Variants in DPP10 observed in about 807,000 individuals in gnomAD.
DPP10 encodes the protein dipeptidyl peptidase like 10.
Under a neutral mutation model 120.9 loss-of-function variants are expected in DPP10, and 33 were observed. That is an observed-to-expected ratio of 0.27 (90% CI 0.21 to 0.37). DPP10 has a LOEUF of 0.37. Ranked by LOEUF, DPP10 falls within the 10% of genes least tolerant of loss-of-function variation. The pLI, the probability that DPP10 is intolerant of heterozygous loss-of-function variation, is 1.00. For missense variants in DPP10, 816 were observed against 942.8 expected (o/e 0.87, Z 1.76); for synonymous variants, 337 against 326.1 (o/e 1.03, Z -0.36).
At chr2:114,693,723 C>T (rs543339180) in intron 1 of DPP10, among the ~76,000 whole-genome samples, 191 of 151,958 alleles carry the variant, frequency 1.3e-3, no homozygotes, top group African/African-American at 4.4e-3. Flanking sequence ...CCCAATCAGT[C>T]GTAGGTTCTG....
intron 1 of DPP10, chr2:114,462,170 A>G (rs865786211): frequency 2.0e-6 from 2 of 984,238 alleles, no homozygotes; most frequent in African/African-American, 1.7e-5. Context: ...AATACACATT[A>G]AAGTCTTAGA....
rs542200110 is a variant in DPP10, at chr2:114,752,533, A to T, written c.60+309695A>T. Among the ~76,000 whole-genome samples the T allele has an allele frequency of 2.6e-5, 4 of 152,328 alleles. No individual in the cohort carries two copies. In the South Asian group the frequency reaches 8.3e-4, roughly 32 times the overall value. On this transcript the variant is annotated intron_variant, in intron 1 of 25. Transcript: ENST00000410059. The stretch of plus-strand genomic sequence containing the variant: ...CTAAGGCTCCTGCCTATAGCTGTAC[A>T]GTAAAGATATCAGTTTGTTACTCAC...
rs2106095542 is a variant in DPP10, at chr2:115,319,979, C to T, written c.175+10626C>T. On this transcript the variant is annotated intron_variant, in intron 2 of 25. Transcript: ENST00000410059. The stretch of plus-strand genomic sequence containing the variant: ...ATTACCTCTCAAAGTTCACACTTCT[C>T]AGTATTATTGCTTTGGGGATTAAAT... Among the ~76,000 whole-genome samples the T allele has an allele frequency of 2.0e-5, 3 of 152,238 alleles. No homozygotes were observed. The Middle Eastern group carries it at 0.01, about 521-fold the overall frequency.
intron 19 of DPP10, among the ~76,000 whole-genome samples, chr2:115,797,731 T>G (rs1684701859): frequency 6.6e-6 from 1 of 151,950 alleles, no homozygotes; most frequent in South Asian, 2.1e-4. Flanking sequence ...TTGAACATAT[T>G]TAAACTTGTT....
chr2:115,403,384 T>C (rs907444949), intron 3 of DPP10, among the ~76,000 whole-genome samples: 1 of 5,164 alleles, frequency 1.9e-4, no homozygotes, highest in Admixed American at 2.9e-3. Context: ...TTTCCTTCTT[T>C]TTTTTTTTTT....
At chr2:114,471,147 GATAA>G (rs1679874745) in intron 1 of DPP10, among the ~76,000 whole-genome samples, 2 of 152,248 alleles carry the variant, frequency 1.3e-5, no homozygotes, top group African/African-American at 4.8e-5. Context: ...ATTAAAACTT[GATAA>G]ATAATGTTTC....
chr2:115,619,924 A>G (rs774208096), intron 5 of DPP10, among the ~76,000 whole-genome samples: 10 of 152,226 alleles, frequency 6.6e-5, no homozygotes, highest in African/African-American at 9.6e-5. Flanking sequence ...AATTGTGGTA[A>G]TCATATTCTT....
intron 1 of DPP10, among the ~76,000 whole-genome samples, chr2:114,781,618 C>G (rs543071946): frequency 6.6e-6 from 1 of 152,142 alleles, no homozygotes; most frequent in East Asian, 1.9e-4. Flanking sequence ...TGAAAAGCCC[C>G]CTGGTAGAGA....
At chr2:115,048,968 T>C (rs1170042271) in intron 1 of DPP10, among the ~76,000 whole-genome samples, 1 of 152,146 alleles carries the variant, frequency 6.6e-6, no homozygotes, top group African/African-American at 2.4e-5. Context: ...GTAAATTACA[T>C]GCAGAGGGCT....
At chr2:115,356,598 G>A (rs1367258949) in intron 3 of DPP10, among the ~76,000 whole-genome samples, 1 of 152,050 alleles carries the variant, frequency 6.6e-6, no homozygotes, top group Non-Finnish European at 1.5e-5. Context: ...ATCTTGAATA[G>A]GGGTAGTGAG....
At chr2:115,276,274 G>A (rs975755588) in intron 1 of DPP10, among the ~76,000 whole-genome samples, 5 of 152,150 alleles carry the variant, frequency 3.3e-5, no homozygotes, top group African/African-American at 9.6e-5. Flanking sequence ...GTTCACTAAG[G>A]TTGCTGATGA....
At chr2:115,096,738 C>G (rs962337301) in intron 1 of DPP10, among the ~76,000 whole-genome samples, 10 of 152,078 alleles carry the variant, frequency 6.6e-5, no homozygotes, top group Non-Finnish European at 1.3e-4. Flanking sequence ...TTGAACCTTC[C>G]TAAGTTGGAA....
intron 7 of DPP10, among the ~76,000 whole-genome samples, chr2:115,703,025 T>C (rs936884242): frequency 1.3e-5 from 2 of 151,646 alleles, no homozygotes; most frequent in Admixed American, 6.6e-5. Flanking sequence ...ATTGATATAA[T>C]TAATAAAAAC....
At chr2:114,768,625 A>G (rs1680959588) in intron 1 of DPP10, among the ~76,000 whole-genome samples, 2 of 152,126 alleles carry the variant, frequency 1.3e-5, no homozygotes, top group African/African-American at 2.4e-5. Context: ...CCTTAATCAC[A>G]TCGGCAAAGT....
At chr2:115,778,917 T>C (rs1682433853) in intron 15 of DPP10, among the ~76,000 whole-genome samples, 1 of 152,142 alleles carries the variant, frequency 6.6e-6, no homozygotes, top group Non-Finnish European at 1.5e-5. Context: ...ATTTGAATTT[T>C]GGATTCGGGA....
At chr2:115,115,436 G>C (rs2049452188) in intron 1 of DPP10, among the ~76,000 whole-genome samples, 1 of 152,122 alleles carries the variant, frequency 6.6e-6, no homozygotes, top group African/African-American at 2.4e-5. Context: ...CTATTCTCAG[G>C]AGACCCGTTT....
chr2:114,519,286 C>T (rs1036863082), intron 1 of DPP10, among the ~76,000 whole-genome samples: 2 of 152,170 alleles, frequency 1.3e-5, no homozygotes, highest in African/African-American at 4.8e-5. Context: ...CTCATCTTAG[C>T]GACTTAATCC....
chr2:115,149,692 C>T (rs1398542065), intron 1 of DPP10, among the ~76,000 whole-genome samples: 4 of 152,018 alleles, frequency 2.6e-5, no homozygotes, highest in Non-Finnish European at 5.9e-5. Flanking sequence ...TTTTGTTTGT[C>T]TGTTTGTTTG....
At position 115,763,693 on chromosome 2, in the gene DPP10, G is replaced by A. The variant is rs369753120; in HGVS notation, c.1113+1083G>A. Among the ~76,000 whole-genome samples, 5 of 152,234 alleles carry A rather than the reference G, an allele frequency of 3.3e-5. No individual in the cohort carries two copies. In the East Asian group the frequency reaches 7.7e-4, roughly 24 times the overall value. ...CACCTGCCAATCTGTTCACACTGCA[G>A]GCTAACTGAGTGACCTTTTTAAAAT... On this transcript the variant is annotated intron_variant, in intron 12 of 25. Coordinates refer to ENST00000410059, the MANE Select transcript of DPP10 (RefSeq NM_020868.6).
Sources: gnomAD v4.1 joint callset for allele counts (sites outside exome capture counted in the v4.1 genomes callset) on GRCh38, gnomAD v4.1.1 for gene constraint, MANE v1.5 for transcripts, NCBI Gene and HGNC (gene_info 2026-07-23, HGNC 2026-07-21) for gene names.